NALF1: variants seen among roughly 807,000 people sequenced by gnomAD.
NALF1 encodes NALCN channel auxiliary factor 1.
NALF1 carries 3 observed loss-of-function variants against 48.4 expected under a neutral mutation model. The observed-to-expected ratio is 0.06, with a 90% confidence interval of 0.03 to 0.16. The LOEUF is 0.16. Ranked by LOEUF, NALF1 falls within the 10% of genes least tolerant of loss-of-function variation. The probability of loss-of-function intolerance (pLI) is 1.00; values close to 1 mark genes in which losing one functional copy is unlikely to be tolerated. For synonymous variants in NALF1, 262 were observed against 245.7 expected (o/e 1.07, Z -0.62); for missense variants, 526 against 571.5 (o/e 0.92, Z 0.81).
At chr13:107,226,208 C>T (rs148433897) in intron 1 of NALF1, among the ~76,000 whole-genome samples, 154 of 152,128 alleles carry the variant, frequency 1.0e-3, no homozygotes, top group Middle Eastern at 3.4e-3. Context: ...TTGGATAAGG[C>T]AGACAGAAAG....
chr13:107,624,215 T>C (rs570021570), intron 1 of NALF1, among the ~76,000 whole-genome samples: 1 of 152,184 alleles, frequency 6.6e-6, no homozygotes, highest in Non-Finnish European at 1.5e-5. Context: ...AGAGGGAGTA[T>C]TCGCCGTTCT....
At position 107,654,711 on chromosome 13, in the gene NALF1, A is replaced by T. The variant is rs373857146; in HGVS notation, c.915+210971T>A. Among the ~76,000 whole-genome samples, 25 of 152,146 alleles carry T rather than the reference A, an allele frequency of 1.6e-4. 1 individual carries two copies. The South Asian group carries it at 5.0e-3, about 30-fold the overall frequency. ...TAACAAAAAAAAAAGAAAACTACAG[A>T]CTAATATCCCTGAAAAACATAGATG... On this transcript the variant is annotated intron_variant, in intron 1 of 2. Coordinates refer to ENST00000375915, the MANE Select transcript of NALF1 (RefSeq NM_001080396.3).
chr13:107,325,855 C>CATATATATATAT lies in NALF1; in HGVS notation c.916-115112_916-115101dup, dbSNP rs1228535140. 1.7e-3 allele frequency among the ~76,000 whole-genome samples: 93 copies of CATATATATATAT among 53,988 alleles called. 1 individual carries two copies. The highest frequency in any genetic ancestry group is 2.2e-3 in the South Asian group (2 of 902). 35.4% of individuals were successfully genotyped at this position (53,988 alleles called of 152,430 possible). ...AACTGTGTCTCAACACACACACACA[C>CATATATATATAT]ATATATATATATATATATATATATA... On this transcript the variant is annotated intron_variant, in intron 1 of 2. Transcript: ENST00000375915.
chr13:107,720,510 C>CAAAAAAAAAAAA (rs56380251), intron 1 of NALF1, among the ~76,000 whole-genome samples: 1 of 59,854 alleles, frequency 1.7e-5, no homozygotes, highest in Non-Finnish European at 2.7e-5. Flanking sequence ...GACTGCATCT[C>CAAAAAAAAAAAA]AAAAAAAAAA....
At chr13:107,282,179 A>G (rs1594102805) in intron 1 of NALF1, among the ~76,000 whole-genome samples, 1 of 152,158 alleles carries the variant, frequency 6.6e-6, no homozygotes, top group Non-Finnish European at 1.5e-5. Flanking sequence ...TGGTTTGAGC[A>G]ACCTCATCCA....
At chr13:107,235,286 T>C (rs1880318223) in intron 1 of NALF1, among the ~76,000 whole-genome samples, 1 of 152,216 alleles carries the variant, frequency 6.6e-6, no homozygotes, top group Non-Finnish European at 1.5e-5. Context: ...ATTGCCTCTA[T>C]TGAAAATTTC....
At chr13:107,775,517 C>T (rs578188013) in intron 1 of NALF1, among the ~76,000 whole-genome samples, 12 of 150,758 alleles carry the variant, frequency 8.0e-5, no homozygotes, top group African/African-American at 1.2e-4. Flanking sequence ...AATAAACATA[C>T]GTGTGCATGT....
At chr13:107,393,272 G>C (rs186458271) in intron 1 of NALF1, among the ~76,000 whole-genome samples, 2 of 152,094 alleles carry the variant, frequency 1.3e-5, no homozygotes, top group Admixed American at 1.3e-4. Context: ...CAAAATTTTA[G>C]ATTTAAAATC....
At chr13:107,262,551 C>A (rs1012319265) in intron 1 of NALF1, among the ~76,000 whole-genome samples, 1 of 152,278 alleles carries the variant, frequency 6.6e-6, no homozygotes, top group East Asian at 1.9e-4. Flanking sequence ...AATTCACTTC[C>A]AAAATGTATG....
At chr13:107,315,839 A>G (rs1479472244) in intron 1 of NALF1, among the ~76,000 whole-genome samples, 1 of 151,152 alleles carries the variant, frequency 6.6e-6, no homozygotes, top group Non-Finnish European at 1.5e-5. Context: ...TCTCTTTCCA[A>G]TAAAAATGAT....
intron 1 of NALF1, among the ~76,000 whole-genome samples, chr13:107,737,371 G>A (rs953559276): frequency 1.7e-4 from 26 of 152,264 alleles, no homozygotes; most frequent in African/African-American, 5.5e-4. Flanking sequence ...ACATTCCAAT[G>A]TGATGTGGAA....
At chr13:107,699,786 C>A (rs1010220229) in intron 1 of NALF1, among the ~76,000 whole-genome samples, 4 of 151,826 alleles carry the variant, frequency 2.6e-5, no homozygotes, top group South Asian at 4.2e-4. Flanking sequence ...ACTCCACACA[C>A]AAAAAAACTG....
chr13:107,249,771 C>T (rs1261010860), intron 1 of NALF1, among the ~76,000 whole-genome samples: 2 of 152,024 alleles, frequency 1.3e-5, no homozygotes, highest in Non-Finnish European at 2.9e-5. Context: ...GTTGTTGAAA[C>T]ATTTTTGTTC....
intron 1 of NALF1, among the ~76,000 whole-genome samples, chr13:107,552,748 T>C (rs943272386): frequency 2.0e-5 from 3 of 152,164 alleles, no homozygotes; most frequent in South Asian, 4.1e-4. Context: ...ATTCTAGTTT[T>C]GTATAAAGTG....
chr13:107,442,435 C>G (rs1048559364), intron 1 of NALF1, among the ~76,000 whole-genome samples: 1 of 152,168 alleles, frequency 6.6e-6, no homozygotes, highest in Non-Finnish European at 1.5e-5. Context: ...CTGTGTACCC[C>G]TAGTTAACAA....
chr13:107,539,606 TATGAG>T (rs1876940444), intron 1 of NALF1, among the ~76,000 whole-genome samples: 2 of 152,308 alleles, frequency 1.3e-5, no homozygotes, highest in South Asian at 4.1e-4. Flanking sequence ...AGAGATGTTT[TATGAG>T]ATGACTATTA....
chr13:107,343,037 C>A (rs1882710384), intron 1 of NALF1, among the ~76,000 whole-genome samples: 2 of 152,138 alleles, frequency 1.3e-5, no homozygotes, highest in Admixed American at 1.3e-4. Flanking sequence ...ACTTAACAGA[C>A]ATGTATAAAA....
chr13:107,775,152 C>T (rs1288724527), intron 1 of NALF1, among the ~76,000 whole-genome samples: 7 of 151,760 alleles, frequency 4.6e-5, no homozygotes, highest in Admixed American at 1.3e-4. Flanking sequence ...TGCGCTGCAC[C>T]CACTAATTCG....
chr13:107,680,052 C>T (rs1169253062), intron 1 of NALF1, among the ~76,000 whole-genome samples: 1 of 152,182 alleles, frequency 6.6e-6, no homozygotes, highest in Non-Finnish European at 1.5e-5. Flanking sequence ...ACCTCCCAAG[C>T]ATGGCTGCTT....
Sources: allele counts gnomAD v4.1 joint callset (sites outside exome capture counted in the v4.1 genomes callset), GRCh38; gene constraint gnomAD v4.1.1; transcripts MANE v1.5; gene names NCBI Gene and HGNC (gene_info 2026-07-23, HGNC 2026-07-21).